The following AP1G1 variants were observed in gnomAD, a reference collection of about 807,000 sequenced individuals.
AP1G1 encodes the protein AP-1 complex subunit gamma-1.
A neutral mutation model predicts 108.3 loss-of-function variants in AP1G1; 7 were observed. The ratio of observed to expected loss-of-function variants is 0.06; its 90% CI spans 0.04 to 0.12. The LOEUF is 0.12. Ranked by LOEUF, AP1G1 falls within the 10% of genes least tolerant of loss-of-function variation. AP1G1 has a pLI of 1.00. For synonymous variants in AP1G1, 379 were observed against 353.5 expected (o/e 1.07, Z -0.81); for missense variants, 756 against 1,010.7 (o/e 0.75, Z 3.42).
chr16:71,793,784 A>C (rs185843196), intron 1 of AP1G1, among the ~76,000 whole-genome samples: 6 of 152,278 alleles, frequency 3.9e-5, no homozygotes, highest in Middle Eastern at 3.4e-3. Flanking sequence ...TCCTTGGCTC[A>C]CTGCAATCTC....
chr16:71,782,299 G>T (rs549687462), intron 2 of AP1G1, among the ~76,000 whole-genome samples: 7 of 151,776 alleles, frequency 4.6e-5, no homozygotes, highest in East Asian at 1.9e-4. Context: ...GAATACCTGG[G>T]ATTACAGGTA....
At chr16:71,778,120 A>C (rs1467006055) in intron 2 of AP1G1, among the ~76,000 whole-genome samples, 2 of 152,202 alleles carry the variant, frequency 1.3e-5, no homozygotes, top group Admixed American at 6.5e-5. Flanking sequence ...TAACAACAAC[A>C]AAAAAACCTT....
intron 1 of AP1G1, chr16:71,808,241 G>A (rs1364728577): frequency 9.3e-7 from 1 of 1,077,462 alleles, no homozygotes; most frequent in Non-Finnish European, 1.2e-6. Context: ...TGGGAAAGAA[G>A]TTGGTCGGAA....
intron 20 of AP1G1, 48 bp downstream of exon 20, chr16:71,739,186 C>G (rs1266040676): frequency 1.9e-6 from 3 of 1,604,306 alleles, no homozygotes; most frequent in Non-Finnish European, 2.6e-6. Flanking sequence ...ATAACCACAT[C>G]TCATTACTCA....
chr16:71,790,239 T>C (rs1405920827), intron 1 of AP1G1, among the ~76,000 whole-genome samples: 2 of 152,090 alleles, frequency 1.3e-5, no homozygotes, highest in Non-Finnish European at 2.9e-5. Flanking sequence ...ACTAACTGAA[T>C]GTAAGAATAG....
At chr16:71,748,462 A>G in intron 15 of AP1G1, 84 bp from the exon 16 acceptor site, 1 of 1,446,226 alleles carries the variant, frequency 6.9e-7, no homozygotes. Flanking sequence ...CAGGGGAAGC[A>G]GCCAGAAAGA....
In AP1G1 at chr16:71,773,213, A is replaced by G. The variant is rs757967853; in HGVS notation, c.468+8T>C. 8 of 1,612,672 alleles carry G rather than the reference A, an allele frequency of 5.0e-6. No individual in the cohort carries two copies. In the East Asian group the frequency reaches 1.8e-4, roughly 36 times the overall value. On this transcript the variant is annotated splice_region_variant and intron_variant, in intron 4 of 22. Coordinates refer to ENST00000299980, the MANE Select transcript of AP1G1 (RefSeq NM_001128.6). The stretch of plus-strand genomic sequence containing the variant: ...ATCCAAACAGACATTTGGTTCATTA[A>G]AAGTTACCTTTTTTCTTAAGTAAGA...
chr16:71,777,616 C>T, intron 2 of AP1G1: 1 of 430,208 alleles, frequency 2.3e-6, no homozygotes, highest in South Asian at 1.7e-5. Context: ...TGCCGATGCC[C>T]CATTCTGTCT....
At position 71,807,048 on chromosome 16, in the gene AP1G1, G is replaced by A. The variant is rs187492602; in HGVS notation, c.-4+1715C>T. 3.2e-4 allele frequency among the ~76,000 whole-genome samples: 48 copies of A among 152,338 alleles called. 1 individual carries two copies. The highest frequency in any genetic ancestry group is 3.4e-3 in the Middle Eastern group (1 of 294). On this transcript the variant is annotated intron_variant, in intron 1 of 22. Transcript: ENST00000299980. Reference sequence around the variant, plus strand: ...AAGTTAATTTCTCTTTTGCAGATGTGAAAACCCAGGCTGAGATGAAATAAG... The same window carrying A: ...AAGTTAATTTCTCTTTTGCAGATGTAAAAACCCAGGCTGAGATGAAATAAG...
intron 1 of AP1G1, among the ~76,000 whole-genome samples, chr16:71,792,520 C>G (rs2032441602): frequency 1.3e-5 from 2 of 152,126 alleles, no homozygotes; most frequent in African/African-American, 4.8e-5. Flanking sequence ...AGGCACACCA[C>G]AGGAACCAAG....
chr16:71,750,408 T>C, intron 13 of AP1G1, 76 bp from the exon 14 acceptor site: 1 of 1,556,362 alleles, frequency 6.4e-7, no homozygotes, highest in Non-Finnish European at 8.8e-7. Flanking sequence ...TTATTATTAC[T>C]GTGTGTTTTT....
At chr16:71,742,543 T>TA (rs1273686304) in intron 19 of AP1G1, 1 of 152,084 alleles carries the variant, frequency 6.6e-6, no homozygotes, top group Non-Finnish European at 1.5e-5. Flanking sequence ...TCTTATGGAG[T>TA]AAGTATTAAT....
At chr16:71,739,418 T>A (rs1390935839) in intron 19 of AP1G1, 77 bp from the exon 20 acceptor site, 1 of 1,179,402 alleles carries the variant, frequency 8.5e-7, no homozygotes, top group African/African-American at 1.6e-5. Flanking sequence ...GGGAAAATTA[T>A]TTCGGTCTCA....
At chr16:71,795,676 G>A (rs1013816102) in intron 1 of AP1G1, among the ~76,000 whole-genome samples, 1 of 152,144 alleles carries the variant, frequency 6.6e-6, no homozygotes, top group African/African-American at 2.4e-5. Flanking sequence ...CACTAGAAAA[G>A]CTTAAATCAA....
intron 9 of AP1G1, among the ~76,000 whole-genome samples, chr16:71,762,097 T>C (rs1302543846): frequency 3.3e-5 from 5 of 152,206 alleles, no homozygotes; most frequent in African/African-American, 7.2e-5. Context: ...CTGCAAATGA[T>C]AGGAGATACC....
chr16:71,738,819 G>C (rs2045582717), intron 21 of AP1G1, 123 bp downstream of exon 21: 2 of 885,080 alleles, frequency 2.3e-6, no homozygotes, highest in Non-Finnish European at 3.4e-6. Flanking sequence ...ATTATTGTTA[G>C]TTTGAATTAA....
intron 16 of AP1G1, 87 bp downstream of exon 16, chr16:71,748,164 A>G (rs2030282634): frequency 1.4e-6 from 2 of 1,442,268 alleles, no homozygotes; most frequent in Non-Finnish European, 1.9e-6. Flanking sequence ...TATGCTTGAA[A>G]TTTTCCATGA....
chr16:71,734,541 G>T, intron 22 of AP1G1, 68 bp downstream of exon 22: 1 of 1,312,846 alleles, frequency 7.6e-7, no homozygotes, highest in Non-Finnish European at 1.1e-6. Flanking sequence ...AAGAAACAAA[G>T]CAGAATTTTA....
chr16:71,790,693 T>C lies in AP1G1; in HGVS notation c.-3-1211A>G, dbSNP rs548208125. 7.2e-5 allele frequency among the ~76,000 whole-genome samples: 11 copies of C among 152,156 alleles called. No individual in the cohort carries two copies. In the East Asian group the frequency reaches 1.9e-3, roughly 27 times the overall value. On this transcript the variant is annotated intron_variant, in intron 1 of 22. Transcript: ENST00000299980. ...TATTTCTCTCCATGGGGGAAAAAAATTAACCTCAATCCTAACCACACACAA... is the reference window on the plus strand; with the variant it reads ...TATTTCTCTCCATGGGGGAAAAAAACTAACCTCAATCCTAACCACACACAA...
Sources: allele counts gnomAD v4.1 joint callset (sites outside exome capture counted in the v4.1 genomes callset), GRCh38; gene constraint gnomAD v4.1.1; transcripts MANE v1.5; gene names NCBI Gene and HGNC (gene_info 2026-07-23, HGNC 2026-07-21).